Variants in GSE1 observed in about 807,000 individuals in gnomAD.
GSE1 encodes the protein Gse1 coiled-coil protein.
GSE1 carries 32 observed loss-of-function variants against 112.6 expected under a neutral mutation model. That is an observed-to-expected ratio of 0.28 (90% CI 0.21 to 0.38). The LOEUF (loss-of-function observed/expected upper bound fraction) is 0.38, where lower values mean the gene tolerates loss of function less well. Among genes scored for constraint, GSE1 ranks in the 10% least tolerant of loss-of-function variants. The probability of loss-of-function intolerance (pLI) is 1.00; values close to 1 mark genes in which losing one functional copy is unlikely to be tolerated. For synonymous variants in GSE1, 1,115 were observed against 735.6 expected, an observed-to-expected ratio of 1.52 and a Z score of -8.35; for missense variants, 2,348 against 1,699.2, an observed-to-expected ratio of 1.38 and a Z score of -6.71.
At chr16:85,353,493 G>C (rs1168331902) in intron 1 of GSE1, among the ~76,000 whole-genome samples, 1 of 152,120 alleles carries the variant, frequency 6.6e-6, no homozygotes, top group Non-Finnish European at 1.5e-5. Flanking sequence ...CACATTTCGG[G>C]GATTAGTTGC....
Position 85,308,568 on chromosome 16 carries a change from G to C in GSE1, c.2284-48895G>C, listed in dbSNP as rs559171330. ...CACCATAGCTCCTGCAATCCACTCTGAACAGGAAACCTTCTCATCTATTTA... is the reference window on the plus strand; with the variant it reads ...CACCATAGCTCCTGCAATCCACTCTCAACAGGAAACCTTCTCATCTATTTA... On this transcript the variant is annotated intron_variant, in intron 1 of 2. Transcript: ENST00000637419. Among the ~76,000 whole-genome samples the C allele has an allele frequency of 2.6e-5, 4 of 152,252 alleles. No individual in the cohort carries two copies. The South Asian group carries it at 8.3e-4, about 32-fold the overall frequency.
intron 2 of GSE1, among the ~76,000 whole-genome samples, chr16:85,646,584 T>C (rs1476210412): frequency 3.9e-5 from 6 of 152,094 alleles, no homozygotes; most frequent in Non-Finnish European, 8.8e-5. Context: ...GTGTGCCTCT[T>C]GGGGGCGGAG....
At chr16:85,588,531 C>T (rs940859769) in intron 1 of GSE1, among the ~76,000 whole-genome samples, 1 of 152,160 alleles carries the variant, frequency 6.6e-6, no homozygotes, top group Non-Finnish European at 1.5e-5. Flanking sequence ...CCAAATGAGG[C>T]GATTAAAGAA....
rs563143434 is a variant in GSE1, at chr16:85,319,169, C to T, written c.2284-38294C>T. On this transcript the variant is annotated intron_variant, in intron 1 of 2. Transcript: ENST00000637419. Reference sequence around the variant, plus strand: ...CTTGACATTTAGGCAAATGCCCAGGCGGTAGATTGAGGGTCTCAGAGCCAA... The same window carrying T: ...CTTGACATTTAGGCAAATGCCCAGGTGGTAGATTGAGGGTCTCAGAGCCAA... 1.8e-4 allele frequency among the ~76,000 whole-genome samples: 28 copies of T among 152,296 alleles called. No individual in the cohort carries two copies. The South Asian group carries it at 5.8e-3, about 32-fold the overall frequency.
At chr16:85,384,780 G>A (rs1365557011) in intron 2 of GSE1, among the ~76,000 whole-genome samples, 4 of 151,988 alleles carry the variant, frequency 2.6e-5, no homozygotes, top group Non-Finnish European at 4.4e-5. Context: ...TGATGGAGGC[G>A]TGGAGGACTG....
At chr16:85,496,829 G>T (rs2051195805) in intron 2 of GSE1, among the ~76,000 whole-genome samples, 1 of 152,134 alleles carries the variant, frequency 6.6e-6, no homozygotes, top group African/African-American at 2.4e-5. Context: ...CCTGTCACTG[G>T]CCCGTTTGGG....
intron 1 of GSE1, among the ~76,000 whole-genome samples, chr16:85,302,736 C>T (rs1003678160): frequency 7.9e-5 from 12 of 152,304 alleles, no homozygotes; most frequent in Non-Finnish European, 1.6e-4. Flanking sequence ...GGGGCCCAGG[C>T]ATCTGAACCT....
intron 1 of GSE1, among the ~76,000 whole-genome samples, chr16:85,173,562 C>G (rs1330869410): frequency 2.0e-5 from 3 of 152,154 alleles, no homozygotes; most frequent in Non-Finnish European, 4.4e-5. Flanking sequence ...TGCTGGCTTG[C>G]AGGCTGGGTG....
At chr16:85,652,636 T>TCTGC (rs1183765558) in intron 3 of GSE1, among the ~76,000 whole-genome samples, 1 of 152,182 alleles carries the variant, frequency 6.6e-6, no homozygotes, top group Non-Finnish European at 1.5e-5. Flanking sequence ...CCGGGCTGCC[T>TCTGC]GCACTGCCTC....
chr16:85,299,790 T>G (rs2045468149), intron 1 of GSE1, among the ~76,000 whole-genome samples: 1 of 151,626 alleles, frequency 6.6e-6, no homozygotes, highest in African/African-American at 2.4e-5. Context: ...TAAGAAAAAA[T>G]TTAGCCAAGT....
At chr16:85,339,107 A>C (rs1419529327) in intron 1 of GSE1, among the ~76,000 whole-genome samples, 1 of 152,082 alleles carries the variant, frequency 6.6e-6, no homozygotes, top group African/African-American at 2.4e-5. Flanking sequence ...CTTTGCTGTC[A>C]CCTGGAAGGG....
intron 8 of GSE1, among the ~76,000 whole-genome samples, chr16:85,660,713 G>C (rs1475368339): frequency 6.6e-6 from 1 of 151,780 alleles, no homozygotes; most frequent in Non-Finnish European, 1.5e-5. Flanking sequence ...TCACTGCAAC[G>C]TCTGCCTCCT....
rs755550997 is a variant in GSE1 at position 85,661,482 on chromosome 16, A to G, written c.1977A>G (p.Gly659=). ...CACCTCCGCCGCCACCACGAGAGGG[A>G]GGGAGCCTGGAGCACCAGCCCTTCC... ...YQPPPPPPRE[G]GSLEHQPFLP... is the part of the protein sequence containing the mutation. Residue 659 remains glycine, a synonymous_variant, in exon 9 of 16, where the codon GGA becomes GGG. Coordinates refer to ENST00000253458, the MANE Select transcript of GSE1 (RefSeq NM_014615.5). The G allele has an allele frequency of 9.3e-6, 15 of 1,611,420 alleles. No individual in the cohort carries two copies. Among genetic ancestry groups the G allele is most frequent in the Non-Finnish European group, 1.2e-5 (14 of 1,179,392 alleles).
chr16:85,573,598 G>A (rs1240614624), intron 1 of GSE1, among the ~76,000 whole-genome samples: 1 of 152,170 alleles, frequency 6.6e-6, no homozygotes, highest in African/African-American at 2.4e-5. Flanking sequence ...CTGGGGTCCT[G>A]CTGGTTTTCT....
intron 2 of GSE1, among the ~76,000 whole-genome samples, chr16:85,527,942 C>T (rs904872746): frequency 6.6e-6 from 1 of 152,142 alleles, no homozygotes; most frequent in African/African-American, 2.4e-5. Context: ...AAGGCCGTTC[C>T]TGGAAGAGAG....
chr16:85,601,266 T>G (rs1455088710), intron 1 of GSE1, among the ~76,000 whole-genome samples: 2 of 143,920 alleles, frequency 1.4e-5, no homozygotes, highest in African/African-American at 2.6e-5. Flanking sequence ...GAGGGAGAGG[T>G]GCCGTGTGAG....
chr16:85,448,383 C>T (rs772471203), intron 2 of GSE1, among the ~76,000 whole-genome samples: 6 of 152,118 alleles, frequency 3.9e-5, no homozygotes, highest in African/African-American at 1.2e-4. Flanking sequence ...GACCAGATAC[C>T]GAACGGTGGT....
At position 85,314,932 on chromosome 16, in the gene GSE1, C is replaced by T. The variant is rs941079114; in HGVS notation, c.2284-42531C>T. 4.5e-4 allele frequency among the ~76,000 whole-genome samples: 69 copies of T among 152,210 alleles called. 1 individual carries two copies. Among genetic ancestry groups the T allele is most frequent in the African/African-American group, 1.6e-3 (67 of 41,448 alleles). ...CAAGCTGGCACGGCCCTGCGTTTGC[C>T]ATTTGCTGACCTCACAGGAACACCC... On this transcript the variant is annotated intron_variant, in intron 1 of 2. Coordinates refer to the GSE1 transcript ENST00000637419.
intron 2 of GSE1, among the ~76,000 whole-genome samples, chr16:85,395,045 C>T (rs140370970): frequency 7.2e-5 from 11 of 152,120 alleles, no homozygotes; most frequent in South Asian, 6.2e-4. Context: ...TGGGCATTCT[C>T]GACGCGGGGA....
Sources: allele counts gnomAD v4.1 joint callset (sites outside exome capture counted in the v4.1 genomes callset), GRCh38; gene constraint gnomAD v4.1.1; transcripts MANE v1.5; gene names NCBI Gene and HGNC (gene_info 2026-07-23, HGNC 2026-07-21).